The following CEP55 variants were observed in gnomAD, a reference collection of about 807,000 sequenced individuals.
CEP55 encodes centrosomal protein of 55 kDa.
Under a neutral mutation model 63.2 loss-of-function variants are expected in CEP55, and 57 were observed. The ratio of observed to expected loss-of-function variants is 0.90; its 90% confidence interval spans 0.73 to 1.13. The LOEUF is 1.13. Among genes scored for constraint, CEP55 ranks in the 50% most tolerant of loss-of-function variants. The pLI is 0.00. For missense variants in CEP55, 456 were observed against 518.9 expected, an observed-to-expected ratio of 0.88 and a Z score of 1.18; for synonymous variants, 178 against 191.6, an observed-to-expected ratio of 0.93 and a Z score of 0.59.
At chr10:93,521,263 C>T (rs563060984) in intron 8 of CEP55, among the ~76,000 whole-genome samples, 23 of 152,276 alleles carry the variant, frequency 1.5e-4, no homozygotes, top group East Asian at 7.7e-4. Flanking sequence ...TGCGCTATTC[C>T]GACGGTCTTA....
intron 3 of CEP55, among the ~76,000 whole-genome samples, chr10:93,506,510 T>A (rs764062569): frequency 2.6e-5 from 4 of 152,130 alleles, no homozygotes; most frequent in Non-Finnish European, 4.4e-5. Flanking sequence ...TTCACAATGG[T>A]TATCTCTGGT....
intron 3 of CEP55, among the ~76,000 whole-genome samples, chr10:93,504,888 C>G (rs1397713838): frequency 6.6e-6 from 1 of 152,156 alleles, no homozygotes; most frequent in Non-Finnish European, 1.5e-5. Context: ...AATCTCAGCT[C>G]ACTGCAACCT....
At chr10:93,503,059 T>C (rs978508587) in intron 2 of CEP55, 54 bp from the exon 3 acceptor site, 2 of 1,466,898 alleles carry the variant, frequency 1.4e-6, no homozygotes, top group African/African-American at 2.8e-5. Flanking sequence ...ATATATTGTT[T>C]AGCTAGATGT....
chr10:93,513,178 A>G (rs1198622445), intron 4 of CEP55, among the ~76,000 whole-genome samples: 3 of 152,232 alleles, frequency 2.0e-5, no homozygotes, highest in Non-Finnish European at 4.4e-5. Context: ...ATGGATGCAG[A>G]GAGAAAAGTG....
intron 4 of CEP55, among the ~76,000 whole-genome samples, chr10:93,512,622 TA>T (rs995628739): frequency 6.6e-6 from 1 of 152,142 alleles, no homozygotes; most frequent in African/African-American, 2.4e-5. Flanking sequence ...AGTATAAAAT[TA>T]GGTATCTTTA....
At chr10:93,497,722 T>A (rs1227551507) in intron 1 of CEP55, among the ~76,000 whole-genome samples, 4 of 31,552 alleles carry the variant, frequency 1.3e-4, no homozygotes, top group East Asian at 9.8e-4. Context: ...TGTGTAGGGG[T>A]GGGGGTGGGG....
chr10:93,520,181 G>A (rs954453036), intron 8 of CEP55: 39 of 220,830 alleles, frequency 1.8e-4, no homozygotes, highest in African/African-American at 5.8e-4. Flanking sequence ...TAATCCCAGC[G>A]CTTTGGGAGG....
At chr10:93,525,925 C>G (rs867084666) in intron 8 of CEP55, among the ~76,000 whole-genome samples, 6 of 152,232 alleles carry the variant, frequency 3.9e-5, no homozygotes, top group African/African-American at 1.4e-4. Flanking sequence ...ACACCTTATA[C>G]AAAAATTAAT....
chr10:93,503,255 GAGA>G lies in CEP55; in HGVS notation c.329_331del (p.Glu110del), dbSNP rs767417140. The G allele has an allele frequency of 7.4e-6, 12 of 1,614,196 alleles. No homozygotes were observed. The South Asian group carries it at 8.8e-5, about 12-fold the overall frequency. On this transcript the variant is annotated inframe_deletion, in exon 3 of 9. Transcript: ENST00000371485. ...CTTGAACAGCTGGAAGAGACAACGA[GAGA>G]AGGAGAAAGGAGGGAGCAGGTGTTG...
At chr10:93,508,432 G>A (rs1405429230) in intron 4 of CEP55, among the ~76,000 whole-genome samples, 3 of 152,072 alleles carry the variant, frequency 2.0e-5, no homozygotes, top group Non-Finnish European at 4.4e-5. Context: ...AAATCTCCTG[G>A]ATGTCTAGCC....
chr10:93,519,688 G>A lies in CEP55; in HGVS notation c.1072G>A (p.Ala358Thr), dbSNP rs777977691. The A allele has an allele frequency of 2.5e-6, 4 of 1,613,978 alleles. No individual in the cohort carries two copies. Among genetic ancestry groups the A allele is most frequent in the South Asian group, 1.1e-5 (1 of 91,084 alleles). Residue 358 changes from alanine to threonine, a missense_variant, in exon 8 of 9, where the codon GCA becomes ACA. By Grantham distance (58) the Ala-to-Thr change is moderately conservative. Transcript: ENST00000371485. ...TGTTCTGGGCCTTTTCCAGATGCAG[G>A]CATGTACTTTAGACTTTGAAAATGA... is the stretch of plus-strand genomic sequence containing the variant. The part of the protein sequence containing the change: ...RVALLEQQMQ[A>T]CTLDFENEKL...
intron 8 of CEP55, among the ~76,000 whole-genome samples, chr10:93,524,001 C>T (rs11187494): frequency 0.88 from 133,999 of 152,010 alleles, 59,361 homozygotes; most frequent in Non-Finnish European, 0.93. Flanking sequence ...AGATCTAAAA[C>T]TGACACCCTA....
At chr10:93,508,836 C>T (rs1351348460) in intron 4 of CEP55, among the ~76,000 whole-genome samples, 1 of 152,170 alleles carries the variant, frequency 6.6e-6, no homozygotes, top group African/African-American at 2.4e-5. Context: ...CAGACAATTC[C>T]TATTCTTTTC....
chr10:93,519,629 A>G (rs2057837210), intron 7 of CEP55, 53 bp from the exon 8 acceptor site: 2 of 1,567,000 alleles, frequency 1.3e-6, no homozygotes, highest in Admixed American at 2.1e-5. Context: ...TCCAGTCAAG[A>G]GAACTAGACA....
intron 3 of CEP55, among the ~76,000 whole-genome samples, chr10:93,504,815 AT>A (rs1389537380): frequency 6.6e-6 from 1 of 152,016 alleles, no homozygotes; most frequent in African/African-American, 2.4e-5. Context: ...TAAAATTTTT[AT>A]TTATTTTTTA....
At chr10:93,507,731 C>T (rs944436920) in intron 4 of CEP55, among the ~76,000 whole-genome samples, 1 of 152,128 alleles carries the variant, frequency 6.6e-6, no homozygotes, top group African/African-American at 2.4e-5. Context: ...TCACTGCAGC[C>T]TCCACCTCCC....
chr10:93,521,678 A>G (rs890997458), intron 8 of CEP55, among the ~76,000 whole-genome samples: 16 of 152,104 alleles, frequency 1.1e-4, no homozygotes, highest in African/African-American at 3.9e-4. Context: ...CGTGTAGCCT[A>G]ACTGGGAGGC....
At chr10:93,527,370 T>G (rs1166918184) in intron 8 of CEP55, among the ~76,000 whole-genome samples, 1 of 152,232 alleles carries the variant, frequency 6.6e-6, no homozygotes, top group African/African-American at 2.4e-5. Flanking sequence ...TAGGCCTACC[T>G]AATATTCGAC....
intron 3 of CEP55, among the ~76,000 whole-genome samples, chr10:93,505,299 GAGT>G (rs2057677416): frequency 6.6e-6 from 1 of 152,180 alleles, no homozygotes; most frequent in South Asian, 2.1e-4. Context: ...TTGCTCCACA[GAGT>G]CATTTGACTC....
Sources: allele counts gnomAD v4.1 joint callset (sites outside exome capture counted in the v4.1 genomes callset), GRCh38; gene constraint gnomAD v4.1.1; transcripts MANE v1.5; gene names NCBI Gene and HGNC (gene_info 2026-07-23, HGNC 2026-07-21).